Variants in ZNF28 observed in about 807,000 individuals in gnomAD.
ZNF28 encodes zinc finger protein KOX24.
In ZNF28, 5 loss-of-function variants were observed where a neutral mutation model predicts 7.2. That is an observed-to-expected ratio of 0.70 (90% confidence interval 0.36 to 1.46). The LOEUF (loss-of-function observed/expected upper bound fraction) is 1.46. Among genes scored for constraint, ZNF28 ranks in the 40% most tolerant of loss-of-function variants. The pLI is 0.03. For missense variants in ZNF28, 879 were observed against 866.6 expected (o/e 1.01, Z -0.18); for synonymous variants, 288 against 292.4 (o/e 0.99, Z 0.15).
Position 52,801,207 on chromosome 19 carries a change from T to A in ZNF28, c.638A>T (p.Lys213Ile), listed in dbSNP as rs546974768. Residue 213 changes from lysine (K) to isoleucine (I), a missense_variant, in exon 4 of 4, where the codon AAA becomes ATA. Around this residue, in one of 2 missense-constraint regions of ZNF28, gnomAD observed 864 missense variants for 830.2 expected, o/e 1.04. Transcript: ENST00000457749. ...GCCACTCTCAATACATTGGAAAGATTTTTCTCTCATGTGTACATTCCGTTT... is the reference window on the plus strand; with the variant it reads ...GCCACTCTCAATACATTGGAAAGATATTTCTCTCATGTGTACATTCCGTTT... ...TQKRNVHMRE[K>I]SFQCIESGKS... is the part of the protein sequence containing the mutation. 3.7e-6 allele frequency: 6 copies of A among 1,614,122 alleles called. No individual in the cohort carries two copies. The highest frequency in any genetic ancestry group is 2.7e-5 in the African/African-American group (2 of 75,032).
chr19:52,802,606 G>C (rs572739794), intron 3 of ZNF28, among the ~76,000 whole-genome samples: 20 of 152,100 alleles, frequency 1.3e-4, no homozygotes, highest in African/African-American at 4.3e-4. Flanking sequence ...GAACTTGGGA[G>C]GCAAAGATTG....
intron 2 of ZNF28, among the ~76,000 whole-genome samples, chr19:52,811,438 G>A (rs2063037036): frequency 6.8e-6 from 1 of 146,524 alleles, no homozygotes; most frequent in Non-Finnish European, 1.5e-5. Flanking sequence ...ATCCCATCTA[G>A]GAAGCGAGGA....
chr19:52,800,574 G>T lies in ZNF28; in HGVS notation c.1271C>A (p.Ser424Ter), dbSNP rs769582143. The T allele has an allele frequency of 1.9e-6, 3 of 1,613,338 alleles. No homozygotes were observed. The highest frequency in any genetic ancestry group is 1.1e-5 in the South Asian group (1 of 91,014). Residue 424 changes from serine to a stop codon, truncating the protein, a stop_gained, in exon 4 of 4, where the codon TCA becomes TAA. Transcript: ENST00000457749. LOFTEE classifies it low-confidence loss of function (END_TRUNC). Reference sequence around the variant, plus strand: ...AATTATACTATGTTTTGCCAGGTATGAATTATATGCAAAAGCCTTGTCACA... The same window carrying T: ...AATTATACTATGTTTTGCCAGGTATTAATTATATGCAAAAGCCTTGTCACA... ...KVCDKAFAYNSYLAKHSIIHT... is the reference protein window; with the variant it reads ...KVCDKAFAYN
At position 52,799,150 on chromosome 19, in the gene ZNF28, G is replaced by T; in HGVS notation, c.*538C>A. On this transcript the variant is annotated 3_prime_UTR_variant, in exon 4 of 4. Transcript: ENST00000457749. ...CTATGATGACTTGCAAGGTGTGACT[G>T]TTGATTAAAAACTATGCCACATTCA... 5.0e-6 allele frequency: 2 copies of T among 401,470 alleles called. No homozygotes were observed. The highest frequency in any genetic ancestry group is 4.9e-6 in the Non-Finnish European group (1 of 206,172). 24.9% of individuals were successfully genotyped at this position (401,470 alleles called of 1,614,324 possible).
Position 52,810,781 on chromosome 19 carries a change from A to AAAAC in ZNF28, c.16-2649_16-2648insGTTT, listed in dbSNP as rs1568655446. The AAAAC allele has an allele frequency of 2.7e-3, 321 of 119,240 alleles. 2 individuals are homozygous for AAAAC. Among genetic ancestry groups the AAAAC allele is most frequent in the Middle Eastern group, 5.7e-3 (2 of 348 alleles). 7.4% of individuals were successfully genotyped at this position (119,240 alleles called of 1,614,324 possible). ...AAAAAAAAAGAATAAAAAAAAACCC[A>AAAAC]AAAAAAACAGAAGATGACCTTGATG... is the stretch of plus-strand genomic sequence containing the variant. On this transcript the variant is annotated intron_variant, in intron 2 of 3. Transcript: ENST00000457749.
chr19:52,818,282 A>C (rs1600485550), intron 1 of ZNF28, among the ~76,000 whole-genome samples: 1 of 152,042 alleles, frequency 6.6e-6, no homozygotes, highest in East Asian at 1.9e-4. Context: ...TAAATACAAA[A>C]ACTTAGCCAG....
At chr19:52,804,527 T>C (rs538186761) in intron 3 of ZNF28, among the ~76,000 whole-genome samples, 1 of 152,180 alleles carries the variant, frequency 6.6e-6, no homozygotes, top group Non-Finnish European at 1.5e-5. Context: ...CACGCCACCA[T>C]ACACAGCTAA....
intron 2 of ZNF28, chr19:52,810,691 C>T (rs878939302): frequency 1.4e-5 from 11 of 806,730 alleles, no homozygotes; most frequent in Middle Eastern, 2.2e-4. Flanking sequence ...AGCGACATCA[C>T]GGTATTCCCC....
chr19:52,810,814 AT>A (rs2063013734), intron 2 of ZNF28: 4 of 335,824 alleles, frequency 1.2e-5, no homozygotes, highest in African/African-American at 2.7e-5. Flanking sequence ...ATGGAAAAAA[AT>A]ATATATATAT....
At position 52,800,318 on chromosome 19, in the gene ZNF28, G is replaced by GA; in HGVS notation, c.1526_1527insT (p.Leu510ProfsTer17). The GA allele has an allele frequency of 6.2e-7, 1 of 1,613,384 alleles. No homozygotes were observed. Among genetic ancestry groups the GA allele is most frequent in the Non-Finnish European group, 8.5e-7 (1 of 1,179,878 alleles). ...TATGAACTCTCTGATGTTCTGTAAG[G>GA]CATGAATCACTCCGGAAAGCCTTGT... On this transcript the variant is annotated frameshift_variant, in exon 4 of 4. Transcript: ENST00000457749. LOFTEE classifies it low-confidence loss of function (END_TRUNC).
At position 52,814,326 on chromosome 19, in the gene ZNF28, C is replaced by G. The variant is rs759569400; in HGVS notation, c.15+3618G>C. ...ATTGGTGGGGCTGGGCATGATGGCTCGTGTCTGTAATCCCAGCATTCTGTG... is the reference window on the plus strand; with the variant it reads ...ATTGGTGGGGCTGGGCATGATGGCTGGTGTCTGTAATCCCAGCATTCTGTG... On this transcript the variant is annotated intron_variant, in intron 2 of 3. Coordinates refer to ENST00000457749, the MANE Select transcript of ZNF28 (RefSeq NM_006969.5). 20 of 146,404 alleles carry G rather than the reference C, an allele frequency of 1.4e-4. 4 individuals are homozygous for G. Among genetic ancestry groups the G allele is most frequent in the African/African-American group, 2.7e-4 (10 of 37,708 alleles). The allele number at this position is 146,404 out of a possible 1,614,324, so 9.1% of individuals were successfully genotyped here.
chr19:52,805,438 C>A (rs1394744578), intron 3 of ZNF28: 1 of 151,462 alleles, frequency 6.6e-6, no homozygotes, highest in Non-Finnish European at 1.5e-5. Context: ...TCCTGGCCAA[C>A]CAACATGGTG....
In ZNF28 at chr19:52,798,811, T is replaced by C; in HGVS notation, c.*877A>G. The C allele has an allele frequency of 1.2e-6, 1 of 840,612 alleles. No homozygotes were observed. The highest frequency in any genetic ancestry group is 1.9e-6 in the Non-Finnish European group (1 of 528,862). The allele number at this position is 840,612 out of a possible 1,614,324, so 52.1% of individuals were successfully genotyped here. A position where few individuals can be genotyped will look rare whatever the true frequency, so the allele number is the denominator to read the frequency against. On this transcript the variant is annotated 3_prime_UTR_variant, in exon 4 of 4. Transcript: ENST00000457749. ...GGATTCTCCAATGATTTGCAATGGT[T>C]GTAGCATTACTGAAAACTTTGTGAC... is the stretch of plus-strand genomic sequence containing the variant.
chr19:52,809,918 C>G, intron 2 of ZNF28: 1 of 848,760 alleles, frequency 1.2e-6, no homozygotes, highest in Non-Finnish European at 2.0e-6. Context: ...TGCCCGGGGC[C>G]GGTGGGGAGG....
chr19:52,807,579 A>G (rs7256658), intron 3 of ZNF28, among the ~76,000 whole-genome samples: 14,958 of 152,188 alleles, frequency 0.098, 1,353 homozygotes, highest in African/African-American at 0.22. Flanking sequence ...GGTTCAAGTA[A>G]TTCTCTTTCC....
rs2063105226 is a variant in ZNF28, at chr19:52,815,097, A to G, written c.15+2847T>C. 7.5e-5 allele frequency among the ~76,000 whole-genome samples: 6 copies of G among 79,660 alleles called. No individual in the cohort carries two copies. In the South Asian group the frequency reaches 1.8e-3, roughly 24 times the overall value. 52.3% of individuals were successfully genotyped at this position (79,660 alleles called of 152,430 possible). A position where few individuals can be genotyped will look rare whatever the true frequency, so the allele number is the denominator to read the frequency against. On this transcript the variant is annotated intron_variant, in intron 2 of 3. Transcript: ENST00000457749. Reference sequence around the variant, plus strand: ...TATGTGTGTATGTGTGTGTATATATATATTTATATATATATATAAAGGTTT... The same window carrying G: ...TATGTGTGTATGTGTGTGTATATATGTATTTATATATATATATAAAGGTTT...
At chr19:52,821,302 G>A (rs1420897147) in intron 1 of ZNF28, among the ~76,000 whole-genome samples, 2 of 152,146 alleles carry the variant, frequency 1.3e-5, no homozygotes, top group Non-Finnish European at 2.9e-5. Context: ...ACTTTAAAAA[G>A]AGCCGTGCGG....
intron 2 of ZNF28, among the ~76,000 whole-genome samples, chr19:52,813,784 T>A (rs181718463): frequency 2.0e-5 from 3 of 146,642 alleles, no homozygotes; most frequent in Non-Finnish European, 4.4e-5. Context: ...CCCTTCCCCA[T>A]GGGGAAATGC....
At chr19:52,802,727 T>C (rs964291201) in intron 3 of ZNF28, among the ~76,000 whole-genome samples, 3 of 151,414 alleles carry the variant, frequency 2.0e-5, no homozygotes, top group African/African-American at 7.3e-5. Flanking sequence ...TGTTACAAAA[T>C]TACCTATATC....
Sources: gnomAD v4.1 joint callset for allele counts (sites outside exome capture counted in the v4.1 genomes callset) on GRCh38, gnomAD v4.1.1 for gene constraint, gnomAD v4.1.1 regional missense constraint, MANE v1.5 for transcripts, NCBI Gene and HGNC (gene_info 2026-07-23, HGNC 2026-07-21) for gene names.